Variants in CNTN5 observed in about 807,000 individuals in gnomAD.
CNTN5 encodes the protein contactin-5.
Under a neutral mutation model 129.1 loss-of-function variants are expected in CNTN5, and 77 were observed. That is an observed-to-expected ratio of 0.60 (90% CI 0.50 to 0.72). CNTN5 has a LOEUF of 0.72. Among genes scored for constraint, CNTN5 ranks in the 30% least tolerant of loss-of-function variants. CNTN5 has a pLI of 0.00. For synonymous variants in CNTN5, 509 were observed against 465.6 expected, an observed-to-expected ratio of 1.09 and a Z score of -1.20; for missense variants, 1,478 against 1,328.8, an observed-to-expected ratio of 1.11 and a Z score of -1.75.
At chr11:99,574,495 A>G (rs778714252) in intron 3 of CNTN5, among the ~76,000 whole-genome samples, 3 of 152,194 alleles carry the variant, frequency 2.0e-5, no homozygotes, top group African/African-American at 4.8e-5. Flanking sequence ...GTCTTCCACA[A>G]TGATTGAACT....
chr11:99,778,754 GATT>G (rs1945211454), intron 3 of CNTN5, among the ~76,000 whole-genome samples: 1 of 151,724 alleles, frequency 6.6e-6, no homozygotes, highest in Admixed American at 6.6e-5. Flanking sequence ...TCATCACTAT[GATT>G]ATTTTGGTAA....
chr11:99,924,069 C>T (rs1465682655), intron 7 of CNTN5, among the ~76,000 whole-genome samples: 3 of 152,162 alleles, frequency 2.0e-5, no homozygotes, highest in South Asian at 2.1e-4. Flanking sequence ...GGATTACAGA[C>T]GTGAGCCGCC....
intron 20 of CNTN5, among the ~76,000 whole-genome samples, 192 bp downstream of exon 20, chr11:100,299,588 T>C (rs1254683301): frequency 6.6e-6 from 1 of 151,428 alleles, no homozygotes. Flanking sequence ...TTATTCCACA[T>C]ATGTTGCTTT....
chr11:99,470,542 G>T (rs1471198768), intron 2 of CNTN5, among the ~76,000 whole-genome samples: 1 of 151,824 alleles, frequency 6.6e-6, no homozygotes, highest in African/African-American at 2.4e-5. Flanking sequence ...GTTCTATACT[G>T]GTTCATTTTT....
At chr11:99,296,864 A>C (rs1864411454) in intron 1 of CNTN5, among the ~76,000 whole-genome samples, 1 of 152,218 alleles carries the variant, frequency 6.6e-6, no homozygotes, top group Admixed American at 6.5e-5. Context: ...TACCAAAGGT[A>C]ACCTCCCAGG....
chr11:100,291,090 T>A (rs1264954644), intron 18 of CNTN5, among the ~76,000 whole-genome samples: 119 of 147,736 alleles, frequency 8.1e-4, no homozygotes, highest in African/African-American at 2.8e-3. Flanking sequence ...ATGGCAATCA[T>A]TAAAAAGTCA....
intron 7 of CNTN5, among the ~76,000 whole-genome samples, chr11:99,938,253 C>A: frequency 6.6e-6 from 1 of 152,088 alleles, no homozygotes; most frequent in East Asian, 1.9e-4. Flanking sequence ...AGTTATAAAC[C>A]ATACCCATGT....
At chr11:100,148,460 A>ATATC (rs1456934141) in intron 13 of CNTN5, among the ~76,000 whole-genome samples, 9 of 152,296 alleles carry the variant, frequency 5.9e-5, no homozygotes, top group African/African-American at 1.2e-4. Context: ...CTTTAACAAT[A>ATATC]TATCTCTTTC....
At chr11:100,011,952 A>G (rs566189531) in intron 9 of CNTN5, among the ~76,000 whole-genome samples, 1 of 152,270 alleles carries the variant, frequency 6.6e-6, no homozygotes, top group East Asian at 1.9e-4. Flanking sequence ...CTCTTTAGTT[A>G]CAGATTGATG....
intron 8 of CNTN5, among the ~76,000 whole-genome samples, chr11:99,981,405 G>A (rs1591520148): frequency 6.6e-6 from 1 of 152,030 alleles, no homozygotes; most frequent in Non-Finnish European, 1.5e-5. Context: ...TCATTTCCAG[G>A]AAATAGACAC....
chr11:99,930,983 T>TA (rs149200455), intron 7 of CNTN5, among the ~76,000 whole-genome samples: 2,728 of 152,240 alleles, frequency 0.018, 36 homozygotes, highest in Non-Finnish European at 0.029. Flanking sequence ...CCTTTGTGAG[T>TA]AAAAAATGTA....
intron 20 of CNTN5, among the ~76,000 whole-genome samples, chr11:100,306,279 A>AT (rs1162778216): frequency 6.6e-6 from 1 of 151,614 alleles, no homozygotes; most frequent in Non-Finnish European, 1.5e-5. Context: ...TTACTTTAAC[A>AT]TTTTTTTAAA....
intron 13 of CNTN5, among the ~76,000 whole-genome samples, chr11:100,101,146 A>C (rs146913602): frequency 2.2e-3 from 332 of 152,268 alleles, no homozygotes; most frequent in South Asian, 0.01. Flanking sequence ...TTTAGAATAC[A>C]GGATAAAAAT....
At chr11:99,352,159 A>G (rs185773910) in intron 2 of CNTN5, among the ~76,000 whole-genome samples, 1 of 152,362 alleles carries the variant, frequency 6.6e-6, no homozygotes, top group Admixed American at 6.5e-5. Flanking sequence ...ATATCCAGGA[A>G]TATGAATAGA....
At chr11:99,459,685 G>A (rs1405837929) in intron 2 of CNTN5, among the ~76,000 whole-genome samples, 2 of 151,884 alleles carry the variant, frequency 1.3e-5, no homozygotes, top group African/African-American at 2.4e-5. Context: ...ACAGAGCAAC[G>A]AACAAGACAC....
At chr11:100,136,227 C>A (rs946580009) in intron 13 of CNTN5, among the ~76,000 whole-genome samples, 1 of 149,206 alleles carries the variant, frequency 6.7e-6, no homozygotes, top group African/African-American at 2.5e-5. Context: ...AATACTTTGT[C>A]CTTGAATATG....
chr11:99,168,339 G>A (rs1231913984), intron 1 of CNTN5, among the ~76,000 whole-genome samples: 1 of 152,104 alleles, frequency 6.6e-6, no homozygotes, highest in Admixed American at 6.5e-5. Context: ...CGAGGCCGGG[G>A]GGGTGGGGGG....
chr11:99,907,244 C>G (rs528774235), intron 6 of CNTN5, among the ~76,000 whole-genome samples: 88 of 152,064 alleles, frequency 5.8e-4, no homozygotes, highest in Non-Finnish European at 1.1e-3. Flanking sequence ...TTCCAGCTTT[C>G]TCCTGTGGGC....
intron 3 of CNTN5, among the ~76,000 whole-genome samples, chr11:99,702,003 C>G (rs938238330): frequency 6.6e-6 from 1 of 151,082 alleles, no homozygotes; most frequent in Non-Finnish European, 1.5e-5. Context: ...GGAACCCAGT[C>G]ACAGTCCTTA....
Sources: allele counts gnomAD v4.1 joint callset (sites outside exome capture counted in the v4.1 genomes callset), GRCh38; gene constraint gnomAD v4.1.1; transcripts MANE v1.5; gene names NCBI Gene and HGNC (gene_info 2026-07-23, HGNC 2026-07-21).